Variants in ATP1A4 observed in about 807,000 individuals in gnomAD.
ATP1A4 encodes the protein sodium/potassium-transporting ATPase subunit alpha-4.
A neutral mutation model predicts 114.3 loss-of-function variants in ATP1A4; 90 were observed. The observed-to-expected ratio is 0.79, with a 90% CI of 0.66 to 0.94. ATP1A4 has a LOEUF of 0.94. Among genes scored for constraint, ATP1A4 ranks in the 40% least tolerant of loss-of-function variants. The probability of loss-of-function intolerance (pLI) is 0.00; values close to 1 mark genes in which losing one functional copy is unlikely to be tolerated. For synonymous variants in ATP1A4, 511 were observed against 494.1 expected (o/e 1.03, Z -0.45); for missense variants, 1,222 against 1,313.6 (o/e 0.93, Z 1.08).
chr1:160,155,183 G>T lies in ATP1A4; in HGVS notation c.346G>T (p.Ala116Ser), dbSNP rs1208858931. 1.2e-6 allele frequency: 2 copies of T among 1,613,714 alleles called. No homozygotes were observed. The highest frequency in any genetic ancestry group is 2.2e-5 in the South Asian group (2 of 91,044). ...GGFSLLLWTG[A>S]ILCFVAYSIQ... ...CTTCTCCCTCCTACTATGGACTGGG[G>T]CCATTCTCTGCTTTGTGGCCTACAG... The change falls in exon 3 of 22, where the codon GCC (alanine) becomes TCC (serine). Residue 116 changes from alanine to serine, a missense_variant. Ala to Ser is a moderately conservative substitution (Grantham distance 99, BLOSUM62 1). Coordinates refer to ENST00000368081, the MANE Select transcript of ATP1A4 (RefSeq NM_144699.4).
intron 21 of ATP1A4, 72 bp downstream of exon 21, chr1:160,186,439 G>C: frequency 8.7e-6 from 11 of 1,264,916 alleles, no homozygotes; most frequent in Non-Finnish European, 1.3e-5. Flanking sequence ...ATCCCACCTA[G>C]TCCCTCCAGA....
chr1:160,176,457 AT>A (rs1380379660), intron 16 of ATP1A4, 21 bp from the exon 17 acceptor site: 1 of 1,614,052 alleles, frequency 6.2e-7, no homozygotes, highest in East Asian at 2.2e-5. Context: ...GACCCCTGTC[AT>A]CCCCACCCTC....
chr1:160,167,449 G>A, intron 10 of ATP1A4, 37 bp downstream of exon 10: 2 of 1,606,848 alleles, frequency 1.2e-6, no homozygotes, highest in Non-Finnish European at 8.5e-7. Context: ...TGGTGGTGGG[G>A]GGATGGGCTT....
At chr1:160,156,842 G>A (rs902327719) in intron 4 of ATP1A4, among the ~76,000 whole-genome samples, 4 of 152,130 alleles carry the variant, frequency 2.6e-5, no homozygotes, top group Non-Finnish European at 5.9e-5. Flanking sequence ...TCCGAGGGTG[G>A]TGGCTCCCAC....
At chr1:160,159,576 A>G (rs1403109428) in intron 6 of ATP1A4, 50 bp downstream of exon 6, 16 of 1,500,462 alleles carry the variant, frequency 1.1e-5, no homozygotes, top group African/African-American at 1.4e-5. Flanking sequence ...GCACCAAAAC[A>G]TAAAGATTTT....
chr1:160,178,660 C>T (rs1171876493), intron 18 of ATP1A4, among the ~76,000 whole-genome samples: 1 of 150,712 alleles, frequency 6.6e-6, no homozygotes, highest in Non-Finnish European at 1.5e-5. Context: ...GGCAACAGAG[C>T]GAGACTCCGT....
Position 160,156,127 on chromosome 1 carries a change from TCATGGAGTCTTTTAAGAA to T in ATP1A4, c.500_517del (p.Glu167_Met172del). The T allele has an allele frequency of 6.2e-7, 1 of 1,613,766 alleles. No homozygotes were observed. The stretch of plus-strand genomic sequence containing the variant: ...TATCAGGAGGCCAAGAGCTCCAAGA[TCATGGAGTCTTTTAAGAA>T]CATGGTGCCTCAGGTAGGATTGGAG... On this transcript the variant is annotated inframe_deletion, in exon 4 of 22. Coordinates refer to ENST00000368081, the MANE Select transcript of ATP1A4 (RefSeq NM_144699.4).
intron 7 of ATP1A4, among the ~76,000 whole-genome samples, chr1:160,165,632 T>A (rs1037877296): frequency 1.3e-5 from 2 of 151,930 alleles, no homozygotes; most frequent in Non-Finnish European, 2.9e-5. Context: ...GCATGGTGGC[T>A]GGCGCCTGTA....
chr1:160,154,629 C>T (rs150649812), intron 2 of ATP1A4, among the ~76,000 whole-genome samples: 9 of 152,210 alleles, frequency 5.9e-5, no homozygotes, highest in African/African-American at 2.2e-4. Context: ...AGAGTCAAAG[C>T]GTGGTGTTAA....
In ATP1A4 at chr1:160,151,911, TC is replaced by T; in HGVS notation, c.-127del. On this transcript the variant is annotated 5_prime_UTR_variant, in exon 1 of 22. Coordinates refer to ENST00000368081, the MANE Select transcript of ATP1A4 (RefSeq NM_144699.4). Reference sequence around the variant, plus strand: ...TCCCTCCCTGCCTCTTTCTTTCTGCTCCCTCATTCTCTCCCCACCACTCTCT... The same window carrying T: ...TCCCTCCCTGCCTCTTTCTTTCTGCTCCTCATTCTCTCCCCACCACTCTCT... 1.1e-5 allele frequency: 11 copies of T among 1,028,894 alleles called. No individual in the cohort carries two copies. In the South Asian group the frequency reaches 2.1e-4, roughly 20 times the overall value. 63.7% of individuals were successfully genotyped at this position (1,028,894 alleles called of 1,614,324 possible).
intron 18 of ATP1A4, among the ~76,000 whole-genome samples, chr1:160,178,512 T>C (rs1653567212): frequency 6.6e-6 from 1 of 151,560 alleles, no homozygotes; most frequent in African/African-American, 2.4e-5. Flanking sequence ...CCATCTCTAC[T>C]AAAAATACAA....
intron 15 of ATP1A4, 150 bp from the exon 16 acceptor site, chr1:160,175,942 G>T (rs1571030501): frequency 1.3e-6 from 1 of 757,122 alleles, no homozygotes; most frequent in East Asian, 2.5e-5. Flanking sequence ...ACACAATTTA[G>T]AAACAATACT....
At chr1:160,161,088 TA>T (rs1333096640) in intron 6 of ATP1A4, among the ~76,000 whole-genome samples, 1 of 152,046 alleles carries the variant, frequency 6.6e-6, no homozygotes, top group Admixed American at 6.5e-5. Flanking sequence ...TGTAGGAGGC[TA>T]AAAAAACCCA....
In ATP1A4 at chr1:160,176,227, T is replaced by C; in HGVS notation, c.2447T>C (p.Ile816Thr). The change falls in exon 16 of 22, where the codon ATT becomes ACT. Residue 816 changes from isoleucine (I) to threonine (T), a missense_variant. Coordinates refer to ENST00000368081, the MANE Select transcript of ATP1A4 (RefSeq NM_144699.4). ...LPLGTITILC[I>T]DLGTDMVPAI... ...CTGGGAACCATAACCATCCTCTGCA[T>C]TGATCTCGGCACTGACATGGTAAGG... is the stretch of plus-strand genomic sequence containing the variant. 6.2e-7 allele frequency: 1 copy of C among 1,614,138 alleles called. No individual in the cohort carries two copies. The highest frequency in any genetic ancestry group is 8.5e-7 in the Non-Finnish European group (1 of 1,180,022).
Position 160,176,587 on chromosome 1 carries a change from G to A in ATP1A4, c.2575G>A (p.Ala859Thr). The A allele has an allele frequency of 1.2e-6, 2 of 1,614,132 alleles. No homozygotes were observed. Among genetic ancestry groups the A allele is most frequent in the East Asian group, 2.2e-5 (1 of 44,886 alleles). Residue 859 changes from alanine (A) to threonine (T), a missense_variant, in exon 17 of 22, where the codon GCC becomes ACC. Ala to Thr is a moderately conservative substitution (Grantham distance 58). Coordinates refer to ENST00000368081, the MANE Select transcript of ATP1A4 (RefSeq NM_144699.4). ...NLVNHRLIGM[A>T]YGQIGMIQAL... is the part of the protein sequence containing the mutation. ...GGTGAACCACCGTCTCATTGGCATG[G>A]CCTATGGACAGATTGGTGCGCCCAG...
Position 160,155,068 on chromosome 1 carries a change from G to A in ATP1A4, c.231G>A (p.Lys77=). 1 of 1,613,936 alleles carries A rather than the reference G, an allele frequency of 6.2e-7. No homozygotes were observed. The highest frequency in any genetic ancestry group is 8.5e-7 in the Non-Finnish European group (1 of 1,179,920). ...LTKGHSHQRA[K]EILTRGGPNT... is the part of the protein sequence containing the mutation. ...AGGGCCATAGCCACCAAAGGGCAAA[G>A]GAAATCCTGACTCGAGGTGGACCCA... The change falls in exon 3 of 22, where the codon AAG becomes AAA. Residue 77 remains lysine, a synonymous_variant. Coordinates refer to ENST00000368081, the MANE Select transcript of ATP1A4 (RefSeq NM_144699.4).
chr1:160,159,338 T>C (rs997323716), intron 5 of ATP1A4, 71 bp from the exon 6 acceptor site: 5 of 1,419,676 alleles, frequency 3.5e-6, no homozygotes, highest in Non-Finnish European at 4.8e-6. Flanking sequence ...GATGAAGACA[T>C]ACTATTTTTG....
chr1:160,178,885 C>A (rs1012188157), intron 18 of ATP1A4, among the ~76,000 whole-genome samples: 1 of 152,198 alleles, frequency 6.6e-6, no homozygotes, highest in Non-Finnish European at 1.5e-5. Context: ...ATACTCCTGT[C>A]CCAATTTCTA....
At chr1:160,163,411 T>C (rs188784835) in intron 6 of ATP1A4, among the ~76,000 whole-genome samples, 2 of 152,352 alleles carry the variant, frequency 1.3e-5, no homozygotes, top group Admixed American at 1.3e-4. Context: ...ATGGCCTGGC[T>C]ATAAATTGGG....
Sources: gnomAD v4.1 joint callset for allele counts (sites outside exome capture counted in the v4.1 genomes callset) on GRCh38, gnomAD v4.1.1 for gene constraint, MANE v1.5 for transcripts, NCBI Gene and HGNC (gene_info 2026-07-23, HGNC 2026-07-21) for gene names.